HDAC4: variants seen among roughly 807,000 people sequenced by gnomAD.
The protein encoded by HDAC4 is histone deacetylase 4, also known as histone deacetylase A.
In HDAC4, 16 loss-of-function variants were observed where a neutral mutation model predicts 135.1. That is an observed-to-expected ratio of 0.12 (90% CI 0.08 to 0.18). The LOEUF (loss-of-function observed/expected upper bound fraction) is 0.18, where lower values mean the gene tolerates loss of function less well. HDAC4 is among the 10% of genes least tolerant of loss of function. HDAC4 has a pLI of 1.00. For synonymous variants in HDAC4, 685 were observed against 653.4 expected (o/e 1.05, Z -0.74); for missense variants, 1,143 against 1,511.8 (o/e 0.76, Z 4.05).
At chr2:239,155,430 GGGA>G (rs2042363805) in intron 7 of HDAC4, 4 of 145,780 alleles carry the variant, frequency 2.7e-5, no homozygotes, top group African/African-American at 1.1e-4. Context: ...CACTCCACCT[GGGA>G]CATGGCCCAC....
chr2:239,058,304 G>A (rs1280305843), intron 24 of HDAC4, among the ~76,000 whole-genome samples: 1 of 152,224 alleles, frequency 6.6e-6, no homozygotes, highest in Admixed American at 6.5e-5. Flanking sequence ...TACCCCAAGA[G>A]AAGGCGAGAA....
chr2:239,155,895 C>T (rs1004369777), intron 7 of HDAC4, among the ~76,000 whole-genome samples: 28 of 152,304 alleles, frequency 1.8e-4, no homozygotes, highest in African/African-American at 6.3e-4. Context: ...CTGCCCTCAC[C>T]AATTCTCTGG....
intron 24 of HDAC4, among the ~76,000 whole-genome samples, chr2:239,065,855 C>T (rs1185373619): frequency 1.3e-5 from 2 of 152,242 alleles, no homozygotes; most frequent in African/African-American, 4.8e-5. Flanking sequence ...GGGAAGCCAC[C>T]GACTGAGTCG....
chr2:239,089,779 A>T, intron 18 of HDAC4: 1 of 542,740 alleles, frequency 1.8e-6, no homozygotes, highest in Non-Finnish European at 3.3e-6. Context: ...AAGGGTTCTT[A>T]AGACCCAAAT....
At position 239,053,062 on chromosome 2, in the gene HDAC4, C is replaced by CAG. The variant is rs747848554; in HGVS notation, c.*33_*34dup. The CAG allele has an allele frequency of 6.2e-7, 1 of 1,612,124 alleles. No homozygotes were observed. The highest frequency in any genetic ancestry group is 1.7e-5 in the Admixed American group (1 of 59,822). ...TCTTGGCTGAGCTTCAAGACAGAGACAGACAGACAAGAGAACAGCAGCTTC... is the reference window on the plus strand; with the variant it reads ...TCTTGGCTGAGCTTCAAGACAGAGACAGAGACAGACAAGAGAACAGCAGCTTC... On this transcript the variant is annotated 3_prime_UTR_variant, in exon 27 of 27. Transcript: ENST00000543185.
At chr2:239,226,316 C>T (rs1192479110) in intron 3 of HDAC4, among the ~76,000 whole-genome samples, 1 of 152,186 alleles carries the variant, frequency 6.6e-6, no homozygotes, top group Admixed American at 6.5e-5. Context: ...TCCAACCAAT[C>T]ATCACTTAGA....
At chr2:239,117,706 T>C (rs2039269795) in intron 12 of HDAC4, among the ~76,000 whole-genome samples, 1 of 151,394 alleles carries the variant, frequency 6.6e-6, no homozygotes, top group Admixed American at 6.6e-5. Flanking sequence ...CGTCCCACAA[T>C]CCCAAAGTCC....
At chr2:239,191,627 T>C (rs1037399132) in intron 3 of HDAC4, among the ~76,000 whole-genome samples, 5 of 152,202 alleles carry the variant, frequency 3.3e-5, no homozygotes, top group African/African-American at 1.2e-4. Flanking sequence ...GATCCCTGGG[T>C]TGCCGCTTAG....
intron 4 of HDAC4, among the ~76,000 whole-genome samples, chr2:239,185,236 C>T (rs553098156): frequency 1.3e-5 from 2 of 151,472 alleles, no homozygotes; most frequent in Admixed American, 6.6e-5. Flanking sequence ...TGCCCTGTAT[C>T]TCCTGGGAAG....
chr2:239,224,340 C>T (rs769142325), intron 3 of HDAC4, among the ~76,000 whole-genome samples: 2 of 152,220 alleles, frequency 1.3e-5, no homozygotes, highest in African/African-American at 2.4e-5. Flanking sequence ...CGATGCCTGT[C>T]CCACGTGGCC....
chr2:239,226,905 A>T (rs1271648450), intron 3 of HDAC4, among the ~76,000 whole-genome samples: 2 of 152,220 alleles, frequency 1.3e-5, no homozygotes, highest in Non-Finnish European at 2.9e-5. Flanking sequence ...GGTCAAAAAT[A>T]ACAGAGTGAA....
chr2:239,272,310 T>C lies in HDAC4; in HGVS notation c.23-35646A>G, dbSNP rs554329228. Among the ~76,000 whole-genome samples the C allele has an allele frequency of 8.4e-4, 128 of 151,956 alleles. 1 individual carries two copies. The highest frequency in any genetic ancestry group is 3.0e-3 in the African/African-American group (126 of 41,428). ...AAACACAGGCAGCAAAAGAAAAAAA[T>C]AGCCAAACAGGATACCAGCAAAATA... On this transcript the variant is annotated intron_variant, in intron 2 of 26. Transcript: ENST00000543185.
At chr2:239,194,270 C>T (rs1476755600) in intron 3 of HDAC4, among the ~76,000 whole-genome samples, 2 of 152,192 alleles carry the variant, frequency 1.3e-5, no homozygotes, top group Middle Eastern at 3.2e-3. Context: ...TGCTTTAATT[C>T]CTAAGGCATT....
At chr2:239,093,267 G>A (rs180695549) in intron 17 of HDAC4, among the ~76,000 whole-genome samples, 5 of 152,310 alleles carry the variant, frequency 3.3e-5, no homozygotes, top group East Asian at 3.9e-4. Context: ...TTCTGCCTCC[G>A]GGAGAGTTTG....
chr2:239,195,030 C>G (rs2045281163), intron 3 of HDAC4, among the ~76,000 whole-genome samples: 2 of 152,218 alleles, frequency 1.3e-5, no homozygotes, highest in South Asian at 4.1e-4. Flanking sequence ...GAGCAGCCAC[C>G]TTCTGCTGAG....
chr2:239,054,717 G>C (rs2031517398), intron 25 of HDAC4, 32 bp downstream of exon 25: 3 of 1,402,336 alleles, frequency 2.1e-6, no homozygotes, highest in Admixed American at 1.7e-5. Context: ...CCAGGGGCGT[G>C]TCCCCTGTGA....
chr2:239,082,805 G>A (rs530787119), intron 20 of HDAC4, among the ~76,000 whole-genome samples: 1 of 152,350 alleles, frequency 6.6e-6, no homozygotes, highest in South Asian at 2.1e-4. Context: ...AAACCCACAG[G>A]TCAGATGCAG....
In HDAC4 at chr2:239,116,257, C is replaced by T. The variant is rs1437301083; in HGVS notation, c.1534-947G>A. On this transcript the variant is annotated intron_variant, in intron 12 of 26. Coordinates refer to ENST00000543185, the MANE Select transcript of HDAC4 (RefSeq NM_001378414.1). The stretch of plus-strand genomic sequence containing the variant: ...CGCTCTTTACCTCCAGACCTAATGG[C>T]CTGCCAGACGCCTCAGCTTAGCCTA... 2.6e-5 allele frequency among the ~76,000 whole-genome samples: 4 copies of T among 152,240 alleles called. No homozygotes were observed. The East Asian group carries it at 7.7e-4, about 29-fold the overall frequency.
rs781114804 is a variant in HDAC4 at position 239,082,363 on chromosome 2, C to T, written c.2533-142G>A. On this transcript the variant is annotated intron_variant, in intron 20 of 26. Coordinates refer to ENST00000543185, the MANE Select transcript of HDAC4 (RefSeq NM_001378414.1). ...ACATTACCCTCCAGCTGGGCCCGTA[C>T]CCGGCAGGCGCGATTCTGGGGCTGT... is the stretch of plus-strand genomic sequence containing the variant. The T allele has an allele frequency of 1.4e-4, 158 of 1,134,842 alleles. 1 individual carries two copies. Among genetic ancestry groups the T allele is most frequent in the Non-Finnish European group, 2.0e-4 (150 of 766,370 alleles). 70.3% of individuals were successfully genotyped at this position (1,134,842 alleles called of 1,614,324 possible).
Sources: gnomAD v4.1 joint callset for allele counts (sites outside exome capture counted in the v4.1 genomes callset) on GRCh38, gnomAD v4.1.1 for gene constraint, MANE v1.5 for transcripts, NCBI Gene and HGNC (gene_info 2026-07-23, HGNC 2026-07-21) for gene names.